CACNA1C: variants seen among roughly 807,000 people sequenced by gnomAD.
CACNA1C encodes voltage-dependent L-type calcium channel subunit alpha-1C.
CACNA1C carries 30 observed loss-of-function variants against 229.0 expected under a neutral mutation model. That is an observed-to-expected ratio of 0.13 (90% CI 0.10 to 0.18). The LOEUF (loss-of-function observed/expected upper bound fraction) is 0.18. Ranked by LOEUF, CACNA1C falls within the 10% of genes least tolerant of loss-of-function variation. The probability of loss-of-function intolerance (pLI) is 1.00; values close to 1 mark genes in which losing one functional copy is unlikely to be tolerated. For synonymous variants in CACNA1C, 1,114 were observed against 1,132.5 expected (o/e 0.98, Z 0.33); for missense variants, 1,658 against 2,845.0 (o/e 0.58, Z 9.49).
rs2072863872 is a variant in CACNA1C, at chr12:2,602,346, C to T, written c.2960+386C>T. Among the ~76,000 whole-genome samples the T allele has an allele frequency of 6.6e-6, 1 of 152,144 alleles. No homozygotes were observed. ...CCCCTGACCTGGACCCTCCTTCTCC[C>T]TTTCTCTCCCCTCTCTCTCCAGCCA... On this transcript the variant is annotated intron_variant, in intron 22 of 46. Transcript: ENST00000399655. The surrounding 1 kb of genome is among the most constrained non-coding windows in gnomAD (Gnocchi z 4.4).
In CACNA1C at chr12:2,617,888, C is replaced by T. The variant is rs145227393; in HGVS notation, c.3828+5875C>T. The stretch of plus-strand genomic sequence containing the variant: ...CCATAGAGAAACAACAGCCCAGTTT[C>T]TCATCTACTCTGTCAGCTCTGTCCA... On this transcript the variant is annotated intron_variant, in intron 29 of 46. Transcript: ENST00000399655. Among the ~76,000 whole-genome samples, 40 of 152,348 alleles carry T rather than the reference C, an allele frequency of 2.6e-4. No individual in the cohort carries two copies. The East Asian group carries it at 7.7e-3, about 29-fold the overall frequency.
intron 3 of CACNA1C, among the ~76,000 whole-genome samples, chr12:2,383,487 G>A (rs886157486): frequency 6.6e-6 from 1 of 152,180 alleles, no homozygotes; most frequent in African/African-American, 2.4e-5. Flanking sequence ...CGAGGGGTCA[G>A]CTTCAACCCT....
intron 13 of CACNA1C, among the ~76,000 whole-genome samples, chr12:2,578,279 G>T (rs961353974): frequency 1.3e-5 from 2 of 152,188 alleles, no homozygotes; most frequent in Non-Finnish European, 2.9e-5. Flanking sequence ...AAGAACCTGC[G>T]GACGGACAGC....
intron 3 of CACNA1C, among the ~76,000 whole-genome samples, chr12:2,417,429 G>A (rs1484506196): frequency 6.6e-6 from 1 of 152,174 alleles, no homozygotes; most frequent in East Asian, 1.9e-4. Context: ...AAACGCTAAT[G>A]CCTGGGGCCC....
At chr12:2,563,882 G>C (rs1020050780) in intron 11 of CACNA1C, among the ~76,000 whole-genome samples, 1 of 152,242 alleles carries the variant, frequency 6.6e-6, no homozygotes, top group Non-Finnish European at 1.5e-5. Flanking sequence ...CCCACATGTG[G>C]TGCTGCTACA....
At chr12:2,424,476 T>G (rs1003527618) in intron 3 of CACNA1C, among the ~76,000 whole-genome samples, 3 of 152,096 alleles carry the variant, frequency 2.0e-5, no homozygotes, top group Non-Finnish European at 2.9e-5. Flanking sequence ...CTTGGATGTT[T>G]GGTGTCTTGG....
chr12:2,030,837 G>A (rs1193285156), intron 1 of CACNA1C, among the ~76,000 whole-genome samples: 1 of 152,240 alleles, frequency 6.6e-6, no homozygotes, highest in Non-Finnish European at 1.5e-5. Context: ...AGTTGAGGCA[G>A]AAAGGCTCAA....
chr12:2,084,520 C>A lies in CACNA1C; in HGVS notation c.50-30704C>A, dbSNP rs76197717. ...ACTTCTTGTCCCCACTTTCTTTACC[C>A]ACGTTCTCCCGTGGCTTCATTCCTC... On this transcript the variant is annotated intron_variant, in intron 1 of 46. Transcript: ENST00000399655. 1.0e-3 allele frequency among the ~76,000 whole-genome samples: 158 copies of A among 152,242 alleles called. 4 individuals are homozygous for A. In the East Asian group the frequency reaches 0.029, roughly 28 times the overall value.
At position 2,662,841 on chromosome 12, in the gene CACNA1C, A is replaced by C. The variant is rs962735643; in HGVS notation, c.4233-1984A>C. On this transcript the variant is annotated intron_variant, in intron 34 of 46. Coordinates refer to ENST00000399655, the MANE Select transcript of CACNA1C (RefSeq NM_000719.7). ...AGGCTAGAACAAGACCCACACATCTACGCAAATACAACTTACGGCAGAAGA... is the reference window on the plus strand; with the variant it reads ...AGGCTAGAACAAGACCCACACATCTCCGCAAATACAACTTACGGCAGAAGA... 2.0e-5 allele frequency among the ~76,000 whole-genome samples: 3 copies of C among 152,264 alleles called. 1 individual carries two copies. Among genetic ancestry groups the C allele is most frequent in the Non-Finnish European group, 2.9e-5 (2 of 68,044 alleles).
At chr12:2,380,199 A>C (rs538513003) in intron 3 of CACNA1C, among the ~76,000 whole-genome samples, 1 of 152,142 alleles carries the variant, frequency 6.6e-6, no homozygotes, top group African/African-American at 2.4e-5. Context: ...TTGATGGTAG[A>C]TTGTGTTCTC....
intron 3 of CACNA1C, among the ~76,000 whole-genome samples, chr12:2,207,006 A>G (rs1456452624): frequency 6.6e-6 from 1 of 152,244 alleles, no homozygotes; most frequent in African/African-American, 2.4e-5. Context: ...CATTTCAAGT[A>G]CAGTTGATAG....
rs1323287402 is a variant in CACNA1C, at chr12:2,653,588, G to A, written c.4075-247G>A. Among the ~76,000 whole-genome samples the A allele has an allele frequency of 6.6e-6, 1 of 152,168 alleles. No individual in the cohort carries two copies. Among genetic ancestry groups the A allele is most frequent in the African/African-American group, 2.4e-5 (1 of 41,430 alleles). On this transcript the variant is annotated intron_variant, in intron 32 of 46. Transcript: ENST00000399655. This position sits in a 1 kb window ranked among gnomAD's most constrained non-coding sequence, Gnocchi z 4.7. ...GCTCGTTCTTGATTGTTTTGCCCAG[G>A]TAGTGTCGCACTATATCGTTACTCT... is the stretch of plus-strand genomic sequence containing the variant.
intron 1 of CACNA1C, among the ~76,000 whole-genome samples, chr12:2,080,042 C>T (rs1236798681): frequency 6.6e-6 from 1 of 152,116 alleles, no homozygotes; most frequent in Non-Finnish European, 1.5e-5. Context: ...GGGCAGATCA[C>T]TTGAGGCCAG....
chr12:2,202,720 A>C (rs1329368860), intron 3 of CACNA1C, among the ~76,000 whole-genome samples: 1 of 152,138 alleles, frequency 6.6e-6, no homozygotes, highest in Non-Finnish European at 1.5e-5. Context: ...GTCTCACCTG[A>C]AGCATCCTTG....
chr12:2,370,714 T>C (rs2097844505), intron 3 of CACNA1C, among the ~76,000 whole-genome samples: 1 of 152,200 alleles, frequency 6.6e-6, no homozygotes, highest in African/African-American at 2.4e-5. Flanking sequence ...GTATTAGAAA[T>C]GCTAAGTTAT....
chr12:2,018,449 A>G (rs1258000881), intron 1 of CACNA1C, among the ~76,000 whole-genome samples: 1 of 152,180 alleles, frequency 6.6e-6, no homozygotes, highest in Non-Finnish European at 1.5e-5. Context: ...ATTTAACAAT[A>G]TTCTCTCACA....
chr12:2,478,351 G>C (rs2099641832), intron 5 of CACNA1C, among the ~76,000 whole-genome samples: 1 of 152,172 alleles, frequency 6.6e-6, no homozygotes, highest in Non-Finnish European at 1.5e-5. Context: ...AGCCTCCCAG[G>C]ATGGCCAGCG....
chr12:2,518,600 G>T (rs1229087029), intron 9 of CACNA1C, among the ~76,000 whole-genome samples: 1 of 148,170 alleles, frequency 6.7e-6, no homozygotes, highest in Non-Finnish European at 1.5e-5. Context: ...AGAGCCAGAC[G>T]CTGTCTCAAA....
rs1263928549 is a variant in CACNA1C, at chr12:2,275,672, C to T, written c.477+155242C>T. On this transcript the variant is annotated intron_variant, in intron 3 of 46. Coordinates refer to ENST00000399655, the MANE Select transcript of CACNA1C (RefSeq NM_000719.7). The surrounding 1 kb of genome is among the most constrained non-coding windows in gnomAD (Gnocchi z 4.1). ...CTCTCTGTGAGAAGACGGCCAGTCT[C>T]AGATTGGATTTGACCTTTTCGCTTG... Among the ~76,000 whole-genome samples, 1 of 150,782 alleles carries T rather than the reference C, an allele frequency of 6.6e-6. No homozygotes were observed. The highest frequency in any genetic ancestry group is 1.5e-5 in the Non-Finnish European group (1 of 68,030).
Sources: allele counts gnomAD v4.1 joint callset (sites outside exome capture counted in the v4.1 genomes callset), GRCh38; gene constraint gnomAD v4.1.1; non-coding constraint Gnocchi (gnomAD v3.1); transcripts MANE v1.5; gene names NCBI Gene and HGNC (gene_info 2026-07-23, HGNC 2026-07-21).